TRPC7: variants seen among roughly 807,000 people sequenced by gnomAD.
TRPC7 encodes short transient receptor potential channel 7.
In TRPC7, 42 loss-of-function variants were observed where a neutral mutation model predicts 90.1. The observed-to-expected ratio is 0.47, with a 90% CI of 0.36 to 0.60. The LOEUF is 0.60. TRPC7 is among the 20% of genes least tolerant of loss of function. The pLI is 0.00. For synonymous variants in TRPC7, 451 were observed against 436.3 expected (o/e 1.03, Z -0.42); for missense variants, 955 against 1,112.3 (o/e 0.86, Z 2.01).
intron 2 of TRPC7, among the ~76,000 whole-genome samples, chr5:136,333,974 G>A (rs918038491): frequency 6.6e-6 from 1 of 152,304 alleles, no homozygotes; most frequent in South Asian, 2.1e-4. Context: ...GAATTTCAAT[G>A]TTGGAGAGGG....
intron 7 of TRPC7, among the ~76,000 whole-genome samples, chr5:136,233,825 C>T (rs915828346): frequency 4.6e-5 from 7 of 152,188 alleles, no homozygotes; most frequent in East Asian, 1.9e-4. Flanking sequence ...GATTAGGGAA[C>T]GTGGGCCTAC....
intron 3 of TRPC7, among the ~76,000 whole-genome samples, chr5:136,304,946 A>C (rs913289955): frequency 1.3e-5 from 2 of 152,210 alleles, no homozygotes; most frequent in African/African-American, 4.8e-5. Flanking sequence ...CCTAGCCCTC[A>C]TGTCTGCGTA....
At chr5:136,276,958 C>T (rs532281476) in intron 3 of TRPC7, among the ~76,000 whole-genome samples, 12 of 152,328 alleles carry the variant, frequency 7.9e-5, no homozygotes, top group East Asian at 1.9e-4. Context: ...TGCAGAAACT[C>T]GTAGTCTGAT....
intron 3 of TRPC7, among the ~76,000 whole-genome samples, chr5:136,279,340 A>G (rs1230279982): frequency 2.6e-5 from 4 of 152,172 alleles, no homozygotes; most frequent in African/African-American, 7.2e-5. Flanking sequence ...GAACCAACCT[A>G]TGTCTCAGTC....
chr5:136,335,730 C>A (rs1474510628), intron 2 of TRPC7, among the ~76,000 whole-genome samples: 1 of 151,656 alleles, frequency 6.6e-6, no homozygotes, highest in African/African-American at 2.4e-5. Context: ...AGTGAAACCC[C>A]ATCTCTACTA....
chr5:136,336,053 G>T (rs998477338), intron 2 of TRPC7, among the ~76,000 whole-genome samples: 1 of 151,714 alleles, frequency 6.6e-6, no homozygotes, highest in African/African-American at 2.4e-5. Context: ...ACTGAGCCCG[G>T]TCACACCTCT....
chr5:136,241,712 C>T (rs917020144), intron 7 of TRPC7, among the ~76,000 whole-genome samples: 7 of 152,166 alleles, frequency 4.6e-5, no homozygotes, highest in East Asian at 1.9e-4. Context: ...CGAGCCACCA[C>T]GCCCAGCTAA....
At chr5:136,355,523 G>A (rs530311556) in intron 2 of TRPC7, among the ~76,000 whole-genome samples, 12 of 152,240 alleles carry the variant, frequency 7.9e-5, no homozygotes, top group South Asian at 2.1e-4. Flanking sequence ...TCTTGGCCAG[G>A]TGTGGTGGCT....
intron 3 of TRPC7, among the ~76,000 whole-genome samples, chr5:136,299,801 C>T (rs1236753102): frequency 1.3e-5 from 2 of 152,080 alleles, no homozygotes; most frequent in African/African-American, 4.8e-5. Flanking sequence ...TTGAAGATGG[C>T]GCTTGTTGTT....
At chr5:136,257,692 G>GT (rs1014859854) in intron 5 of TRPC7, among the ~76,000 whole-genome samples, 7 of 152,158 alleles carry the variant, frequency 4.6e-5, no homozygotes, top group African/African-American at 1.7e-4. Context: ...CAAGTATACC[G>GT]TATCAAAATT....
Position 136,292,563 on chromosome 5 carries a change from T to G in TRPC7, c.964-17726A>C, listed in dbSNP as rs1287511079. 1.1e-4 allele frequency among the ~76,000 whole-genome samples: 17 copies of G among 149,864 alleles called. 1 individual carries two copies. The East Asian group carries it at 2.7e-3, about 24-fold the overall frequency. On this transcript the variant is annotated intron_variant, in intron 3 of 11. Coordinates refer to ENST00000513104, the MANE Select transcript of TRPC7 (RefSeq NM_020389.3). ...ATCTAGAAGAAATGGATAAATTCCTTGACACATACACCCTCCCAAGACTAA... is the reference window on the plus strand; with the variant it reads ...ATCTAGAAGAAATGGATAAATTCCTGGACACATACACCCTCCCAAGACTAA...
chr5:136,223,963 CATCTGATAG>C (rs1202946113), intron 10 of TRPC7, among the ~76,000 whole-genome samples: 7 of 152,194 alleles, frequency 4.6e-5, no homozygotes, highest in African/African-American at 1.7e-4. Flanking sequence ...TTTCGCCTGT[CATCTGATAG>C]AACTATAAGC....
intron 10 of TRPC7, 68 bp from the exon 11 acceptor site, chr5:136,216,343 G>A: frequency 8.0e-7 from 1 of 1,255,400 alleles, no homozygotes; most frequent in Non-Finnish European, 1.1e-6. Context: ...GCGTGGTGTA[G>A]CAGGACCCCT....
chr5:136,364,113 T>C (rs1032938159), intron 1 of TRPC7, among the ~76,000 whole-genome samples: 2 of 152,336 alleles, frequency 1.3e-5, no homozygotes, highest in East Asian at 3.9e-4. Context: ...TTAATATTTA[T>C]ATGGAGGGAA....
At chr5:136,263,476 A>G (rs1756923641) in intron 5 of TRPC7, among the ~76,000 whole-genome samples, 1 of 152,234 alleles carries the variant, frequency 6.6e-6, no homozygotes, top group Non-Finnish European at 1.5e-5. Flanking sequence ...ATTAGAAGCA[A>G]GATTAGTCAA....
At chr5:136,259,646 C>T (rs1027695992) in intron 5 of TRPC7, among the ~76,000 whole-genome samples, 3 of 152,176 alleles carry the variant, frequency 2.0e-5, no homozygotes, top group African/African-American at 7.2e-5. Context: ...TTATTATAAG[C>T]TTGTTATTCT....
At chr5:136,307,383 A>G (rs1758672620) in intron 3 of TRPC7, among the ~76,000 whole-genome samples, 1 of 152,040 alleles carries the variant, frequency 6.6e-6, no homozygotes, top group Admixed American at 6.5e-5. Flanking sequence ...AAGTGAGATC[A>G]TGTGGTATTT....
At chr5:136,329,160 G>T (rs886837284) in intron 2 of TRPC7, among the ~76,000 whole-genome samples, 1 of 152,164 alleles carries the variant, frequency 6.6e-6, no homozygotes, top group Non-Finnish European at 1.5e-5. Context: ...GTAATGGATT[G>T]CTCTGCTTGT....
intron 3 of TRPC7, among the ~76,000 whole-genome samples, chr5:136,288,342 C>T (rs943423454): frequency 6.6e-6 from 1 of 151,962 alleles, no homozygotes; most frequent in African/African-American, 2.4e-5. Context: ...ATAGATTATA[C>T]ATAACATTTT....
Sources: gnomAD v4.1 joint callset for allele counts (sites outside exome capture counted in the v4.1 genomes callset) on GRCh38, gnomAD v4.1.1 for gene constraint, MANE v1.5 for transcripts, NCBI Gene and HGNC (gene_info 2026-07-23, HGNC 2026-07-21) for gene names.